The following RYR3 variants were observed in gnomAD, a reference collection of about 807,000 sequenced individuals.
RYR3 encodes ryanodine receptor 3.
RYR3 carries 207 observed loss-of-function variants against 584.3 expected under a neutral mutation model. The ratio of observed to expected loss-of-function variants is 0.35; its 90% CI spans 0.32 to 0.40. The LOEUF is 0.40. Among genes scored for constraint, RYR3 ranks in the 10% least tolerant of loss-of-function variants. RYR3 has a pLI of 1.00. For missense variants in RYR3, 5,616 were observed against 6,089.2 expected, an observed-to-expected ratio of 0.92 and a Z score of 2.59; for synonymous variants, 2,416 against 2,248.5, an observed-to-expected ratio of 1.07 and a Z score of -2.11.
At position 33,508,089 on chromosome 15, in the gene RYR3, G is replaced by A. The variant is rs563540653; in HGVS notation, c.279+4351G>A. Among the ~76,000 whole-genome samples, 10 of 152,128 alleles carry A rather than the reference G, an allele frequency of 6.6e-5. No individual in the cohort carries two copies. The East Asian group carries it at 1.9e-3, about 29-fold the overall frequency. Reference sequence around the variant, plus strand: ...AATGCTTCTAGGAATGAAAGGCCTTGGTTAACACAATTACCAGCTGCACTC... The same window carrying A: ...AATGCTTCTAGGAATGAAAGGCCTTAGTTAACACAATTACCAGCTGCACTC... On this transcript the variant is annotated intron_variant, in intron 3 of 103. Transcript: ENST00000634891.
At chr15:33,843,705 A>G (rs546456516) in intron 92 of RYR3, 131 bp downstream of exon 92, 2 of 643,774 alleles carry the variant, frequency 3.1e-6, no homozygotes, top group Admixed American at 5.3e-5. Flanking sequence ...AATTTCTAAG[A>G]CATTGGCTTC....
At chr15:33,456,607 C>A (rs1370391126) in intron 1 of RYR3, among the ~76,000 whole-genome samples, 1 of 152,136 alleles carries the variant, frequency 6.6e-6, no homozygotes, top group Non-Finnish European at 1.5e-5. Flanking sequence ...TCCACATAGA[C>A]CATTTTTCCA....
chr15:33,807,642 T>G, intron 70 of RYR3, 73 bp downstream of exon 70: 1 of 1,414,872 alleles, frequency 7.1e-7, no homozygotes, highest in Non-Finnish European at 9.8e-7. Flanking sequence ...CCCTCTGCAC[T>G]GTGATCACCA....
At position 33,795,860 on chromosome 15, in the gene RYR3, C is replaced by T. The variant is rs1012358547; in HGVS notation, c.9831-4910C>T. On this transcript the variant is annotated intron_variant, in intron 67 of 103. Coordinates refer to ENST00000634891, the MANE Select transcript of RYR3 (RefSeq NM_001036.6). Reference sequence around the variant, plus strand: ...CAAGTCTCTCTTTCTAAAAGGCAATCGGCTTCTTAGCCTCCTTCCTAGGAG... The same window carrying T: ...CAAGTCTCTCTTTCTAAAAGGCAATTGGCTTCTTAGCCTCCTTCCTAGGAG... Among the ~76,000 whole-genome samples, 2 of 151,978 alleles carry T rather than the reference C, an allele frequency of 1.3e-5. 1 individual carries two copies. The highest frequency in any genetic ancestry group is 4.2e-4 in the South Asian group (2 of 4,806).
intron 38 of RYR3, among the ~76,000 whole-genome samples, chr15:33,678,430 C>T (rs543045969): frequency 6.6e-6 from 1 of 152,336 alleles, no homozygotes; most frequent in Admixed American, 6.5e-5. Context: ...CTCTGCCTTC[C>T]ACCACAATTG....
Position 33,435,066 on chromosome 15 carries a change from C to T in RYR3, c.52-38353C>T, listed in dbSNP as rs561815854. ...CAATCTCCTGACCTCATGATCCGCCCGCCTCGACCTCCCAAAGTGCTGGGA... is the reference window on the plus strand; with the variant it reads ...CAATCTCCTGACCTCATGATCCGCCTGCCTCGACCTCCCAAAGTGCTGGGA... On this transcript the variant is annotated intron_variant, in intron 1 of 103. Transcript: ENST00000634891. Among the ~76,000 whole-genome samples, 33 of 152,180 alleles carry T rather than the reference C, an allele frequency of 2.2e-4. No homozygotes were observed. In the South Asian group the frequency reaches 5.8e-3, roughly 27 times the overall value.
At chr15:33,384,506 T>TTTTAATTAATAATATAATAATATTAA (rs2041438579) in intron 1 of RYR3, among the ~76,000 whole-genome samples, 1 of 147,022 alleles carries the variant, frequency 6.8e-6, no homozygotes, top group Non-Finnish European at 1.5e-5. Flanking sequence ...TATACTATTA[T>TTTTAATTAATAATATAATAATATTAA]TTTAATTAAT....
chr15:33,635,536 T>C (rs1237516136), intron 25 of RYR3, 78 bp from the exon 26 acceptor site: 1 of 1,055,556 alleles, frequency 9.5e-7, no homozygotes, highest in Non-Finnish European at 1.4e-6. Flanking sequence ...TTCTTTTGAG[T>C]AGTGCTACCT....
chr15:33,577,679 A>G (rs1276208487), intron 12 of RYR3, among the ~76,000 whole-genome samples: 1 of 152,272 alleles, frequency 6.6e-6, no homozygotes, highest in African/African-American at 2.4e-5. Flanking sequence ...AAGAAAATGT[A>G]GGCAATACCA....
At chr15:33,323,423 A>G (rs1231474703) in intron 1 of RYR3, among the ~76,000 whole-genome samples, 1 of 152,032 alleles carries the variant, frequency 6.6e-6, no homozygotes, top group Non-Finnish European at 1.5e-5. Flanking sequence ...ACATATTTTA[A>G]TGGCAGAGCC....
chr15:33,677,867 G>A (rs1414367723), intron 38 of RYR3, among the ~76,000 whole-genome samples: 1 of 152,208 alleles, frequency 6.6e-6, no homozygotes, highest in African/African-American at 2.4e-5. Flanking sequence ...AGCTCTGTGG[G>A]CCAGTATGAC....
chr15:33,715,477 G>A (rs1238383963), intron 43 of RYR3, among the ~76,000 whole-genome samples: 2 of 152,194 alleles, frequency 1.3e-5, no homozygotes, highest in Non-Finnish European at 2.9e-5. Flanking sequence ...TAAGAAGGTA[G>A]AATATAAGGT....
In RYR3 at chr15:33,831,021, G is replaced by T; in HGVS notation, c.11393G>T (p.Gly3798Val). ...GGGAAGGACATCATTGATGAATCTGGACAGCACAATTTTTCCAAAGCTCTG... is the reference window on the plus strand; with the variant it reads ...GGGAAGGACATCATTGATGAATCTGTACAGCACAATTTTTCCAAAGCTCTG... ...YSGKDIIDES[G>V]QHNFSKALAV... The change falls in exon 86 of 104, where the codon GGA becomes GTA. Residue 3798 changes from glycine (G) to valine (V), a missense_variant. Physicochemically the swap from Gly to Val is moderately radical, Grantham distance 109 (BLOSUM62 -3). Transcript: ENST00000634891. 2 of 1,613,626 alleles carry T rather than the reference G, an allele frequency of 1.2e-6. No individual in the cohort carries two copies. The highest frequency in any genetic ancestry group is 1.7e-6 in the Non-Finnish European group (2 of 1,179,690).
chr15:33,585,678 T>C (rs1006414216), intron 15 of RYR3, among the ~76,000 whole-genome samples: 16 of 152,224 alleles, frequency 1.1e-4, no homozygotes, highest in African/African-American at 3.9e-4. Context: ...TTATGTGGTT[T>C]GATCAAATGA....
rs777015039 is a variant in RYR3, at chr15:33,785,796, T to C, written c.9403T>C (p.Leu3135=). The stretch of plus-strand genomic sequence containing the variant: ...GATGCCCCATGTCATCGAGGTGATC[T>C]TACCCATGCTCTGCAACTACTTGTC... ...TEMPHVIEVI[L]PMLCNYLSYW... The change falls in exon 66 of 104, where the codon TTA becomes CTA. Residue 3135 remains leucine, a synonymous_variant. Coordinates refer to ENST00000634891, the MANE Select transcript of RYR3 (RefSeq NM_001036.6). The C allele has an allele frequency of 5.0e-6, 8 of 1,613,856 alleles. No homozygotes were observed. In the East Asian group the frequency reaches 1.8e-4, roughly 36 times the overall value.
intron 1 of RYR3, among the ~76,000 whole-genome samples, chr15:33,379,153 G>GA (rs1464762787): frequency 6.6e-6 from 1 of 151,986 alleles, no homozygotes; most frequent in Non-Finnish European, 1.5e-5. Flanking sequence ...TTCTCATCAG[G>GA]AAAAAAATGA....
intron 1 of RYR3, among the ~76,000 whole-genome samples, chr15:33,324,293 C>A (rs767145237): frequency 1.3e-4 from 20 of 152,118 alleles, no homozygotes; most frequent in Non-Finnish European, 2.4e-4. Context: ...CTGGCAGATT[C>A]CACTCACAGT....
intron 64 of RYR3, among the ~76,000 whole-genome samples, chr15:33,773,824 A>T (rs541056892): frequency 5.4e-4 from 83 of 152,326 alleles, no homozygotes; most frequent in Non-Finnish European, 1.0e-3. Context: ...TCCCGTGGAG[A>T]TAGCTGGCGA....
chr15:33,821,455 C>T, intron 79 of RYR3, 68 bp from the exon 80 acceptor site: 1 of 1,599,028 alleles, frequency 6.3e-7, no homozygotes, highest in Non-Finnish European at 8.6e-7. Context: ...AAGAGCCCTG[C>T]TAAGGCCCAG....
Sources: allele counts gnomAD v4.1 joint callset (sites outside exome capture counted in the v4.1 genomes callset), GRCh38; gene constraint gnomAD v4.1.1; transcripts MANE v1.5; gene names NCBI Gene and HGNC (gene_info 2026-07-23, HGNC 2026-07-21).